ZIM2: variants seen among roughly 807,000 people sequenced by gnomAD.
ZIM2 encodes zinc finger protein 656.
Under a neutral mutation model 38.6 loss-of-function variants are expected in ZIM2, and 14 were observed. The observed-to-expected ratio is 0.36, with a 90% CI of 0.24 to 0.57. The LOEUF is 0.57. Among genes scored for constraint, ZIM2 ranks in the 20% least tolerant of loss-of-function variants. ZIM2 has a pLI of 0.81. For synonymous variants in ZIM2, 247 were observed against 245.8 expected, an observed-to-expected ratio of 1.00 and a Z score of -0.04; for missense variants, 680 against 695.1, an observed-to-expected ratio of 0.98 and a Z score of 0.24.
chr19:56,812,922 C>T, intron 9 of ZIM2: 1 of 985,440 alleles, frequency 1.0e-6, no homozygotes. Flanking sequence ...CACAAAAAGC[C>T]AATCCGTATA....
chr19:56,834,828 T>G (rs763633791), intron 2 of ZIM2, among the ~76,000 whole-genome samples: 15 of 152,244 alleles, frequency 9.9e-5, no homozygotes, highest in Middle Eastern at 3.4e-3. Flanking sequence ...ACTCTTCTTG[T>G]GATGGGAGTT....
At chr19:56,796,088 T>C (rs2047211016) in intron 9 of ZIM2, among the ~76,000 whole-genome samples, 1 of 152,180 alleles carries the variant, frequency 6.6e-6, no homozygotes, top group African/African-American at 2.4e-5. Flanking sequence ...CCCACCAATG[T>C]TTCTTTATAC....
intron 9 of ZIM2, chr19:56,816,390 G>C: frequency 6.2e-7 from 1 of 1,614,018 alleles, no homozygotes; most frequent in Non-Finnish European, 8.5e-7. Flanking sequence ...TAAAGTCACA[G>C]AGCTTCTCCT....
At chr19:56,776,141 G>A (rs1400055156) in intron 12 of ZIM2, among the ~76,000 whole-genome samples, 1 of 150,766 alleles carries the variant, frequency 6.6e-6, no homozygotes, top group Non-Finnish European at 1.5e-5. Context: ...CAGTAAGCAA[G>A]GAAGAGTGAG....
At position 56,816,458 on chromosome 19, in the gene ZIM2, A is replaced by C. The variant is rs2059987484; in HGVS notation, c.490+1288T>G. ...TGACCAGGAATAAAGGTTTCCTCACACACTTTACCCTTGTTTTCAAATGGG... is the reference window on the plus strand; with the variant it reads ...TGACCAGGAATAAAGGTTTCCTCACCCACTTTACCCTTGTTTTCAAATGGG... On this transcript the variant is annotated intron_variant, in intron 9 of 12. Coordinates refer to ENST00000629319, the MANE Select transcript of ZIM2 (RefSeq NM_001387356.1). The C allele has an allele frequency of 1.9e-6, 3 of 1,613,944 alleles. No homozygotes were observed. The South Asian group carries it at 3.3e-5, about 18-fold the overall frequency.
chr19:56,787,621 T>C (rs543393327), intron 10 of ZIM2, among the ~76,000 whole-genome samples: 8 of 152,290 alleles, frequency 5.3e-5, no homozygotes, highest in African/African-American at 1.9e-4. Context: ...AGCCTCTTTT[T>C]CTATTGTTTG....
chr19:56,793,421 A>G (rs1165973255), intron 9 of ZIM2, among the ~76,000 whole-genome samples: 1 of 152,178 alleles, frequency 6.6e-6, no homozygotes, highest in Non-Finnish European at 1.5e-5. Context: ...GCTCCAGTAC[A>G]CAATGTTGTG....
chr19:56,794,354 C>CA (rs1187086646), intron 9 of ZIM2, among the ~76,000 whole-genome samples: 1 of 152,222 alleles, frequency 6.6e-6, no homozygotes, highest in African/African-American at 2.4e-5. Context: ...AGGCTACACT[C>CA]ACTCTAAGAA....
At chr19:56,838,907 G>A (rs1450590734) in intron 1 of ZIM2, among the ~76,000 whole-genome samples, 2 of 152,150 alleles carry the variant, frequency 1.3e-5, no homozygotes, top group Admixed American at 6.5e-5. Context: ...CCCGATCAAA[G>A]ATGGCACCCA....
intron 9 of ZIM2, among the ~76,000 whole-genome samples, chr19:56,797,591 C>G (rs761039511): frequency 2.5e-4 from 38 of 152,078 alleles, no homozygotes; most frequent in Non-Finnish European, 4.6e-4. Context: ...ACTGGAGGAA[C>G]TTGGATTTCT....
At chr19:56,812,898 C>T in intron 9 of ZIM2, 1 of 985,014 alleles carries the variant, frequency 1.0e-6, no homozygotes. Context: ...ATGTGGCAAC[C>T]AATCAATCTG....
chr19:56,811,883 C>T, intron 9 of ZIM2: 1 of 985,252 alleles, frequency 1.0e-6, no homozygotes, highest in Non-Finnish European at 1.2e-6. Flanking sequence ...TGTCTGTCTC[C>T]TCTCCCCTCC....
At chr19:56,830,161 C>G (rs1479629228) in intron 2 of ZIM2, among the ~76,000 whole-genome samples, 1 of 152,192 alleles carries the variant, frequency 6.6e-6, no homozygotes, top group Non-Finnish European at 1.5e-5. Flanking sequence ...TGGGCAAAGA[C>G]TCTGTTACCT....
At chr19:56,788,346 C>G (rs1429952675) in intron 10 of ZIM2, among the ~76,000 whole-genome samples, 1 of 152,098 alleles carries the variant, frequency 6.6e-6, no homozygotes, top group African/African-American at 2.4e-5. Flanking sequence ...TTTATTTCTG[C>G]CTTAATTTCG....
chr19:56,830,838 T>A (rs570183195), intron 2 of ZIM2, among the ~76,000 whole-genome samples: 14 of 152,156 alleles, frequency 9.2e-5, no homozygotes, highest in African/African-American at 3.4e-4. Flanking sequence ...AAGAGGCTGA[T>A]GCAGGGGGGC....
At chr19:56,806,812 C>G (rs2047780145) in intron 9 of ZIM2, among the ~76,000 whole-genome samples, 1 of 152,142 alleles carries the variant, frequency 6.6e-6, no homozygotes, top group Non-Finnish European at 1.5e-5. Context: ...AGGGAGCTAC[C>G]TAGCCTCTTT....
At position 56,779,748 on chromosome 19, in the gene ZIM2, G is replaced by C. The variant is rs148393577; in HGVS notation, c.740-276C>G. ...TTCTGCAAGACAGCCCCACAACCCG[G>C]GACGATCTGGTTCCATGTCAAGAGT... On this transcript the variant is annotated intron_variant, in intron 11 of 12. Transcript: ENST00000629319. Among the ~76,000 whole-genome samples the C allele has an allele frequency of 7.2e-5, 11 of 152,150 alleles. No homozygotes were observed. The East Asian group carries it at 1.7e-3, about 24-fold the overall frequency.
intron 9 of ZIM2, chr19:56,798,784 T>TA (rs775899134): frequency 2.6e-5 from 4 of 151,906 alleles, no homozygotes; most frequent in Non-Finnish European, 5.9e-5. Context: ...ACAACGCCAT[T>TA]AAAAAATGGG....
rs763332875 is a variant in ZIM2 at position 56,815,093 on chromosome 19, C to G, written c.490+2653G>C. The stretch of plus-strand genomic sequence containing the variant: ...TGGTCTGTGAGGTCTGTGAGATCCA[C>G]AAAGCCCAGGCCACAGTCCTCACAT... On this transcript the variant is annotated intron_variant, in intron 9 of 12. Transcript: ENST00000629319. The G allele has an allele frequency of 1.9e-6, 3 of 1,613,622 alleles. No homozygotes were observed. In the African/African-American group the frequency reaches 4.0e-5, roughly 22 times the overall value.
Sources: gnomAD v4.1 joint callset for allele counts (sites outside exome capture counted in the v4.1 genomes callset) on GRCh38, gnomAD v4.1.1 for gene constraint, MANE v1.5 for transcripts, NCBI Gene and HGNC (gene_info 2026-07-23, HGNC 2026-07-21) for gene names.